ADAMTS17: variants seen among roughly 807,000 people sequenced by gnomAD.
ADAMTS17 encodes the protein ADAM metallopeptidase with thrombospondin type 1 motif 17.
ADAMTS17 carries 113 observed loss-of-function variants against 141.5 expected under a neutral mutation model. The observed-to-expected ratio is 0.80, with a 90% CI of 0.69 to 0.93. The LOEUF (loss-of-function observed/expected upper bound fraction) is 0.93. ADAMTS17 is among the 40% of genes least tolerant of loss of function. ADAMTS17 has a pLI of 0.00. For missense variants in ADAMTS17, 1,659 were observed against 1,517.9 expected, an observed-to-expected ratio of 1.09 and a Z score of -1.54; for synonymous variants, 768 against 630.6, an observed-to-expected ratio of 1.22 and a Z score of -3.27.
At chr15:100,233,269 G>T (rs1187532197) in intron 7 of ADAMTS17, among the ~76,000 whole-genome samples, 2 of 151,608 alleles carry the variant, frequency 1.3e-5, no homozygotes, top group African/African-American at 2.4e-5. Context: ...GGCAGAGGTT[G>T]CAGTGAGCCA....
chr15:99,984,341 G>A (rs1032878912), intron 20 of ADAMTS17, among the ~76,000 whole-genome samples: 7 of 152,170 alleles, frequency 4.6e-5, no homozygotes, highest in African/African-American at 1.4e-4. Flanking sequence ...ACCATCCACT[G>A]CAAAAGCTGC....
chr15:100,172,644 A>C (rs2040202274), intron 8 of ADAMTS17, among the ~76,000 whole-genome samples: 1 of 152,178 alleles, frequency 6.6e-6, no homozygotes, highest in South Asian at 2.1e-4. Flanking sequence ...ACTCTGGCTT[A>C]GACCCCTGCT....
intron 7 of ADAMTS17, among the ~76,000 whole-genome samples, chr15:100,225,175 A>C (rs1344582145): frequency 6.6e-6 from 1 of 152,260 alleles, no homozygotes; most frequent in African/African-American, 2.4e-5. Context: ...ATACTTAACC[A>C]TCTTGGTAAA....
chr15:100,230,566 GAA>G (rs1337631714), intron 7 of ADAMTS17, among the ~76,000 whole-genome samples: 1 of 152,196 alleles, frequency 6.6e-6, no homozygotes, highest in Non-Finnish European at 1.5e-5. Context: ...AAAAGTTCCT[GAA>G]AAGTCTAATT....
chr15:100,290,073 C>A (rs1213139022), intron 3 of ADAMTS17, among the ~76,000 whole-genome samples: 1 of 151,994 alleles, frequency 6.6e-6, no homozygotes, highest in Non-Finnish European at 1.5e-5. Context: ...TAAGTCAAAC[C>A]ATCTCTGCTT....
chr15:100,087,575 A>T (rs1251661088), intron 15 of ADAMTS17, among the ~76,000 whole-genome samples: 6 of 152,164 alleles, frequency 3.9e-5, no homozygotes, highest in Non-Finnish European at 5.9e-5. Context: ...TGAACATTGA[A>T]GCAAAAATCC....
intron 3 of ADAMTS17, among the ~76,000 whole-genome samples, chr15:100,295,699 C>G (rs892979304): frequency 2.6e-5 from 4 of 152,166 alleles, no homozygotes; most frequent in Non-Finnish European, 5.9e-5. Context: ...CCTCTTTGCT[C>G]GTGCAGACAC....
chr15:100,336,201 C>T (rs1289301454), intron 2 of ADAMTS17, among the ~76,000 whole-genome samples: 1 of 152,222 alleles, frequency 6.6e-6, no homozygotes, highest in Non-Finnish European at 1.5e-5. Context: ...GGTGCAGGAG[C>T]AGTCAGTGCC....
At chr15:100,245,907 A>G (rs567527966) in intron 7 of ADAMTS17, among the ~76,000 whole-genome samples, 4 of 152,128 alleles carry the variant, frequency 2.6e-5, no homozygotes, top group African/African-American at 9.7e-5. Flanking sequence ...GTGTGTACAT[A>G]TGTGTCTGGT....
chr15:100,113,114 C>T (rs2036895777), intron 13 of ADAMTS17, among the ~76,000 whole-genome samples: 1 of 152,144 alleles, frequency 6.6e-6, no homozygotes, highest in African/African-American at 2.4e-5. Context: ...CATCAGTCCC[C>T]GGCGGACAGG....
At chr15:100,207,325 C>A (rs1015251730) in intron 7 of ADAMTS17, among the ~76,000 whole-genome samples, 2 of 152,276 alleles carry the variant, frequency 1.3e-5, no homozygotes, top group Non-Finnish European at 1.5e-5. Context: ...ACTGGCACTG[C>A]GGAGTTCCAG....
intron 3 of ADAMTS17, among the ~76,000 whole-genome samples, chr15:100,284,513 G>A (rs2044384524): frequency 6.6e-6 from 1 of 152,204 alleles, no homozygotes; most frequent in African/African-American, 2.4e-5. Flanking sequence ...GGAACTGCAG[G>A]CAAGAGACCG....
intron 14 of ADAMTS17, among the ~76,000 whole-genome samples, chr15:100,097,746 G>T (rs1370167223): frequency 6.6e-6 from 1 of 152,230 alleles, no homozygotes; most frequent in Non-Finnish European, 1.5e-5. Flanking sequence ...TTTCTAATCG[G>T]CTCCCAGGAG....
At chr15:100,238,796 C>A (rs907397555) in intron 7 of ADAMTS17, among the ~76,000 whole-genome samples, 1 of 152,100 alleles carries the variant, frequency 6.6e-6, no homozygotes, top group Admixed American at 6.6e-5. Flanking sequence ...TATCGAAAAG[C>A]GAGAAAGGCA....
intron 8 of ADAMTS17, among the ~76,000 whole-genome samples, chr15:100,180,759 G>A (rs999682956): frequency 6.6e-6 from 1 of 152,058 alleles, no homozygotes; most frequent in African/African-American, 2.4e-5. Context: ...TAATTCTTAG[G>A]TATTTTATTT....
intron 3 of ADAMTS17, among the ~76,000 whole-genome samples, chr15:100,292,009 A>G (rs554617328): frequency 2.0e-5 from 3 of 152,394 alleles, no homozygotes; most frequent in Admixed American, 2.0e-4. Context: ...AAAAATTATG[A>G]GACACTCACC....
At chr15:100,041,526 G>A (rs551661560) in intron 18 of ADAMTS17, among the ~76,000 whole-genome samples, 1 of 152,356 alleles carries the variant, frequency 6.6e-6, no homozygotes, top group African/African-American at 2.4e-5. Context: ...CTGCTCTTTG[G>A]ATGCTGAATG....
intron 3 of ADAMTS17, among the ~76,000 whole-genome samples, chr15:100,318,410 T>G (rs1191402086): frequency 6.6e-6 from 1 of 151,794 alleles, no homozygotes; most frequent in African/African-American, 2.4e-5. Context: ...GTCATGAGGG[T>G]GGGGCCCTCA....
At chr15:100,154,817 T>C (rs922490031) in intron 9 of ADAMTS17, among the ~76,000 whole-genome samples, 4 of 151,940 alleles carry the variant, frequency 2.6e-5, no homozygotes, top group African/African-American at 9.7e-5. Flanking sequence ...GCGGCCTTCA[T>C]CTCCACACCA....
Sources: allele counts gnomAD v4.1 joint callset (sites outside exome capture counted in the v4.1 genomes callset), GRCh38; gene constraint gnomAD v4.1.1; transcripts MANE v1.5; gene names NCBI Gene and HGNC (gene_info 2026-07-23, HGNC 2026-07-21).